Variants in RBFOX2 observed in about 807,000 individuals in gnomAD.
The protein encoded by RBFOX2 is RNA binding fox-1 homolog 2.
In RBFOX2, 10 loss-of-function variants were observed where a neutral mutation model predicts 49.1. The ratio of observed to expected loss-of-function variants is 0.20; its 90% confidence interval spans 0.13 to 0.35. The LOEUF (loss-of-function observed/expected upper bound fraction) is 0.35, where lower values mean the gene tolerates loss of function less well. RBFOX2 is among the 10% of genes least tolerant of loss of function. The pLI, the probability that RBFOX2 is intolerant of heterozygous loss-of-function variation, is 1.00. For synonymous variants in RBFOX2, 183 were observed against 187.4 expected (o/e 0.98, Z 0.19); for missense variants, 323 against 486.9 (o/e 0.66, Z 3.17).
chr22:35,953,756 T>C (rs190809639), intron 1 of RBFOX2, among the ~76,000 whole-genome samples: 1 of 152,160 alleles, frequency 6.6e-6, no homozygotes, highest in Non-Finnish European at 1.5e-5. Flanking sequence ...AATAAGTACT[T>C]ACAGCTTGAG....
At chr22:36,020,780 A>T (rs1402739970) in intron 1 of RBFOX2, among the ~76,000 whole-genome samples, 1 of 152,220 alleles carries the variant, frequency 6.6e-6, no homozygotes, top group African/African-American at 2.4e-5. Context: ...AAATAGGAAC[A>T]CTTTTACACT....
At chr22:35,833,955 A>G (rs1490527201) in intron 1 of RBFOX2, among the ~76,000 whole-genome samples, 3 of 152,328 alleles carry the variant, frequency 2.0e-5, no homozygotes, top group African/African-American at 2.4e-5. Context: ...ATTACATATT[A>G]TAAGAATGAA....
At chr22:35,845,319 C>T (rs2041042479), upstream of RBFOX2, among the ~76,000 whole-genome samples, 1 of 151,714 alleles carries the variant, frequency 6.6e-6, no homozygotes, top group Admixed American at 6.6e-5. Context: ...AGTCAAATTA[C>T]AGCTAACTCT....
intron 1 of RBFOX2, among the ~76,000 whole-genome samples, chr22:35,917,030 C>T (rs1327981136): frequency 6.6e-6 from 1 of 152,116 alleles, no homozygotes; most frequent in Admixed American, 6.5e-5. Flanking sequence ...AGGAATAACA[C>T]GGCCATCTGA....
intron 1 of RBFOX2, among the ~76,000 whole-genome samples, chr22:35,970,521 C>T (rs1350416769): frequency 6.6e-6 from 1 of 151,588 alleles, no homozygotes; most frequent in Admixed American, 6.6e-5. Flanking sequence ...ATTAACCAGG[C>T]ATGCTGGCAT....
chr22:35,921,453 G>C (rs113351806), intron 1 of RBFOX2, among the ~76,000 whole-genome samples: 5,027 of 152,300 alleles, frequency 0.033, 118 homozygotes, highest in Non-Finnish European at 0.045. Context: ...GATGCGGCTG[G>C]ATTTGAAGCC....
At chr22:35,791,209 A>C (rs1947549602) in intron 2 of RBFOX2, among the ~76,000 whole-genome samples, 1 of 151,962 alleles carries the variant, frequency 6.6e-6, no homozygotes. Flanking sequence ...ACATGGTGAA[A>C]CCTCGTCTCC....
At chr22:35,766,879 G>C (rs778477539) in intron 5 of RBFOX2, among the ~76,000 whole-genome samples, 4 of 152,124 alleles carry the variant, frequency 2.6e-5, no homozygotes, top group Non-Finnish European at 4.4e-5. Flanking sequence ...TGTAACTGAA[G>C]GGATGGGAAA....
At chr22:35,882,360 G>A (rs1053396185) in intron 1 of RBFOX2, among the ~76,000 whole-genome samples, 3 of 152,200 alleles carry the variant, frequency 2.0e-5, no homozygotes, top group Admixed American at 2.0e-4. Flanking sequence ...ACTTGGACTA[G>A]AGCCCTTTCA....
intron 2 of RBFOX2, among the ~76,000 whole-genome samples, chr22:35,799,758 A>T (rs1310471118): frequency 6.6e-6 from 1 of 152,024 alleles, no homozygotes; most frequent in Non-Finnish European, 1.5e-5. Flanking sequence ...GACCAGCCAG[A>T]GCAAGACACA....
At chr22:35,757,873 A>T (rs1264200703) in intron 9 of RBFOX2, among the ~76,000 whole-genome samples, 1 of 152,180 alleles carries the variant, frequency 6.6e-6, no homozygotes, top group Non-Finnish European at 1.5e-5. Context: ...GATTAATTAA[A>T]CTTCAAAGAT....
intron 1 of RBFOX2, among the ~76,000 whole-genome samples, chr22:35,977,966 A>G (rs2057280336): frequency 6.6e-6 from 1 of 151,822 alleles, no homozygotes; most frequent in South Asian, 2.1e-4. Context: ...GGGCACTGGA[A>G]GACTACAGGT....
At chr22:35,738,989 G>C (rs1456122020) in exon 12 of RBFOX2, 1 of 152,646 alleles carries the variant, frequency 6.6e-6, no homozygotes, top group Non-Finnish European at 1.5e-5. Context: ...TATACAATAT[G>C]ATTCTTAACG....
At chr22:35,753,647 G>T (rs1402550666) in intron 9 of RBFOX2, among the ~76,000 whole-genome samples, 4 of 150,344 alleles carry the variant, frequency 2.7e-5, no homozygotes, top group Admixed American at 2.6e-4. Flanking sequence ...AAAACCAAGA[G>T]TATTTTATTA....
At chr22:35,961,540 C>T (rs1041378943) in intron 1 of RBFOX2, 50 of 1,303,932 alleles carry the variant, frequency 3.8e-5, no homozygotes, top group South Asian at 1.2e-4. Context: ...CACCACCCCC[C>T]ACACACCCAA....
intron 1 of RBFOX2, among the ~76,000 whole-genome samples, chr22:35,988,838 C>G (rs1487981617): frequency 2.6e-5 from 4 of 152,196 alleles, no homozygotes; most frequent in Admixed American, 2.0e-4. Flanking sequence ...GTAGCTTCAG[C>G]AGCTGGGTAA....
intron 1 of RBFOX2, chr22:35,993,645 A>C (rs1456630249): frequency 6.6e-6 from 1 of 152,230 alleles, no homozygotes. Flanking sequence ...TTGTTGTTTG[A>C]AGCCAGTAAG....
rs76003689 is a variant in RBFOX2 at position 35,865,579 on chromosome 22, T to C, written c.-33-55575A>G. Among the ~76,000 whole-genome samples the C allele has an allele frequency of 8.0e-3, 1,223 of 152,252 alleles. 14 individuals carry two copies. Among genetic ancestry groups the C allele is most frequent in the African/African-American group, 0.028 (1,178 of 41,538 alleles). On this transcript the variant is annotated intron_variant, in intron 1 of 13. Transcript: ENST00000359369. Reference sequence around the variant, plus strand: ...CATCTTTATTATTATTTTTTTTTGATGGTGATAGAAGAGGGATTCACTTTG... The same window carrying C: ...CATCTTTATTATTATTTTTTTTTGACGGTGATAGAAGAGGGATTCACTTTG...
At chr22:35,894,072 T>A (rs907128410) in intron 1 of RBFOX2, among the ~76,000 whole-genome samples, 2 of 152,192 alleles carry the variant, frequency 1.3e-5, no homozygotes, top group African/African-American at 4.8e-5. Flanking sequence ...CTAAAAGTTA[T>A]CACATTTCAT....
Sources: allele counts gnomAD v4.1 joint callset (sites outside exome capture counted in the v4.1 genomes callset), GRCh38; gene constraint gnomAD v4.1.1; transcripts MANE v1.5; gene names NCBI Gene and HGNC (gene_info 2026-07-23, HGNC 2026-07-21).